The following PRKN variants were observed in gnomAD, a reference collection of about 807,000 sequenced individuals.
PRKN encodes the protein E3 ubiquitin-protein ligase parkin.
A neutral mutation model predicts 59.5 loss-of-function variants in PRKN; 56 were observed. That is an observed-to-expected ratio of 0.94 (90% CI 0.76 to 1.18). The LOEUF (loss-of-function observed/expected upper bound fraction) is 1.18. PRKN is among the 50% of genes most tolerant of loss of function. The pLI is 0.00. For missense variants in PRKN, 657 were observed against 596.4 expected, an observed-to-expected ratio of 1.10 and a Z score of -1.06; for synonymous variants, 250 against 222.1, an observed-to-expected ratio of 1.13 and a Z score of -1.12.
chr6:161,874,157 T>TATATA (rs1794501713), intron 6 of PRKN, among the ~76,000 whole-genome samples: 1 of 42,742 alleles, frequency 2.3e-5, no homozygotes, highest in African/African-American at 1.4e-4. Flanking sequence ...TAATATATAT[T>TATATA]ATATATAATA....
At chr6:161,746,886 A>G (rs1366462942) in intron 7 of PRKN, among the ~76,000 whole-genome samples, 2 of 150,554 alleles carry the variant, frequency 1.3e-5, no homozygotes, top group African/African-American at 2.4e-5. Context: ...CTATATCTAT[A>G]TATCTATGTA....
intron 7 of PRKN, among the ~76,000 whole-genome samples, chr6:161,709,441 C>T (rs1373320056): frequency 6.6e-6 from 1 of 152,132 alleles, no homozygotes; most frequent in Non-Finnish European, 1.5e-5. Context: ...TCTTGCTTTT[C>T]TCTCATAACA....
At chr6:162,672,129 A>C (rs188090478) in intron 1 of PRKN, among the ~76,000 whole-genome samples, 6 of 152,324 alleles carry the variant, frequency 3.9e-5, no homozygotes, top group Non-Finnish European at 8.8e-5. Context: ...TTAACTTGGC[A>C]ACATCACTCC....
chr6:161,360,292 A>T lies in PRKN; in HGVS notation c.1168-87T>A. 1.8e-6 allele frequency: 2 copies of T among 1,087,216 alleles called. No individual in the cohort carries two copies. Among genetic ancestry groups the T allele is most frequent in the Non-Finnish European group, 2.9e-6 (2 of 699,970 alleles). 67.3% of individuals were successfully genotyped at this position (1,087,216 alleles called of 1,614,324 possible). A position where few individuals can be genotyped will look rare whatever the true frequency, so the allele number is the denominator to read the frequency against. ...TGTTCCCTGTACGTCGGTACAGGAA[A>T]TTCTTGAAGACAGGAGTGCCTTCGG... On this transcript the variant is annotated intron_variant, in intron 10 of 11. Coordinates refer to ENST00000366898, the MANE Select transcript of PRKN (RefSeq NM_004562.3). The surrounding 1 kb of genome is among the most constrained non-coding windows in gnomAD (Gnocchi z 5.1).
At chr6:161,703,541 T>C (rs1786340941) in intron 7 of PRKN, among the ~76,000 whole-genome samples, 2 of 151,800 alleles carry the variant, frequency 1.3e-5, no homozygotes, top group South Asian at 2.1e-4. Context: ...ACATAGAAAA[T>C]CCAAAATCAT....
chr6:162,163,895 T>A (rs1172543677), intron 4 of PRKN, among the ~76,000 whole-genome samples: 1 of 149,184 alleles, frequency 6.7e-6, no homozygotes, highest in Admixed American at 6.7e-5. Flanking sequence ...ACAGGCCTTA[T>A]CCTCTAATTA....
At chr6:162,247,346 CA>C (rs1779243765) in intron 3 of PRKN, among the ~76,000 whole-genome samples, 1 of 151,940 alleles carries the variant, frequency 6.6e-6, no homozygotes, top group African/African-American at 2.4e-5. Flanking sequence ...TTCCCTAAAG[CA>C]AAGTGTTGTT....
At chr6:161,754,104 T>C (rs758148471) in intron 7 of PRKN, among the ~76,000 whole-genome samples, 3 of 152,048 alleles carry the variant, frequency 2.0e-5, no homozygotes, top group Non-Finnish European at 4.4e-5. Flanking sequence ...GGGGTTCAGA[T>C]TGGCCACTGG....
intron 6 of PRKN, among the ~76,000 whole-genome samples, chr6:161,884,278 C>T (rs368812230): frequency 2.6e-5 from 4 of 152,190 alleles, no homozygotes; most frequent in African/African-American, 9.6e-5. Context: ...GAAGATGTGT[C>T]GTGTCAACTA....
chr6:161,851,494 T>G (rs1276081653), intron 6 of PRKN, among the ~76,000 whole-genome samples: 1 of 151,984 alleles, frequency 6.6e-6, no homozygotes, highest in Admixed American at 6.5e-5. Context: ...TGTTTGTTTT[T>G]TTTTTGAGAC....
In PRKN at chr6:162,461,392, C is replaced by A. The variant is rs1026108523; in HGVS notation, c.8-17919G>T. 3.4e-5 allele frequency among the ~76,000 whole-genome samples: 5 copies of A among 145,318 alleles called. No homozygotes were observed. In the Admixed American group the frequency reaches 3.6e-4, roughly 10 times the overall value. On this transcript the variant is annotated intron_variant, in intron 1 of 11. Transcript: ENST00000366898. Reference sequence around the variant, plus strand: ...TGGCACACACCTGTAATACCAGCTACTCAGGAGGCTGAGGCAAGAGAATCA... The same window carrying A: ...TGGCACACACCTGTAATACCAGCTAATCAGGAGGCTGAGGCAAGAGAATCA...
intron 7 of PRKN, among the ~76,000 whole-genome samples, chr6:161,701,254 T>C (rs773341869): frequency 2.2e-4 from 33 of 152,186 alleles, no homozygotes; most frequent in Non-Finnish European, 4.0e-4. Context: ...GAAGCAGAGA[T>C]GATATGCCTT....
intron 4 of PRKN, among the ~76,000 whole-genome samples, chr6:162,084,488 G>A (rs912918726): frequency 1.3e-5 from 2 of 152,112 alleles, no homozygotes; most frequent in Non-Finnish European, 2.9e-5. Context: ...AGGAATTGTA[G>A]TTTTGGTATC....
At chr6:161,855,915 T>C (rs1286263967) in intron 6 of PRKN, among the ~76,000 whole-genome samples, 2 of 152,122 alleles carry the variant, frequency 1.3e-5, no homozygotes, top group Non-Finnish European at 2.9e-5. Context: ...ATCCCAAGGA[T>C]TTAAGAATAG....
intron 9 of PRKN, among the ~76,000 whole-genome samples, chr6:161,415,504 T>C (rs1481097903): frequency 2.0e-5 from 3 of 151,806 alleles, no homozygotes; most frequent in African/African-American, 7.3e-5. Flanking sequence ...GGCAGAGTGA[T>C]TGTTCCAGCC....
rs187093067 is a variant in PRKN, at chr6:162,141,109, G to A, written c.534+60022C>T. Among the ~76,000 whole-genome samples the A allele has an allele frequency of 5.3e-5, 8 of 151,998 alleles. No homozygotes were observed. In the East Asian group the frequency reaches 1.2e-3, roughly 22 times the overall value. ...CGCGCCACTGCACTCCAGCCTGGGC[G>A]ACAGAGTGAGACCCTGTCACCAAAA... On this transcript the variant is annotated intron_variant, in intron 4 of 11. Coordinates refer to ENST00000366898, the MANE Select transcript of PRKN (RefSeq NM_004562.3).
In PRKN at chr6:161,470,935, A is replaced by G. The variant is rs76363951; in HGVS notation, c.1083+77919T>C. 0.01 allele frequency among the ~76,000 whole-genome samples: 1,535 copies of G among 152,338 alleles called. 23 individuals are homozygous for G. The highest frequency in any genetic ancestry group is 0.031 in the Middle Eastern group (9 of 294). On this transcript the variant is annotated intron_variant, in intron 9 of 11. Coordinates refer to ENST00000366898, the MANE Select transcript of PRKN (RefSeq NM_004562.3). This position sits in a 1 kb window ranked among gnomAD's most constrained non-coding sequence, Gnocchi z 5.1. ...TGGGCTGACTCTCCCAGTTCCACTA[A>G]GTTCTGGTAAAGAATTCTGAGGGGT...
intron 3 of PRKN, among the ~76,000 whole-genome samples, chr6:162,248,638 T>A (rs935837398): frequency 6.6e-6 from 1 of 152,108 alleles, no homozygotes; most frequent in Non-Finnish European, 1.5e-5. Context: ...AGGGAATGAA[T>A]CAGAATTTCC....
chr6:162,042,227 T>C (rs1784092657), intron 5 of PRKN, among the ~76,000 whole-genome samples: 1 of 151,994 alleles, frequency 6.6e-6, no homozygotes, highest in Non-Finnish European at 1.5e-5. Flanking sequence ...GAAACAAACA[T>C]TTATTTTATT....
Sources: gnomAD v4.1 joint callset for allele counts (sites outside exome capture counted in the v4.1 genomes callset) on GRCh38, gnomAD v4.1.1 for gene constraint, Gnocchi (gnomAD v3.1) non-coding constraint, MANE v1.5 for transcripts, NCBI Gene and HGNC (gene_info 2026-07-23, HGNC 2026-07-21) for gene names.